SPARCL1: variants seen among roughly 807,000 people sequenced by gnomAD.
The protein encoded by SPARCL1 is SPARC like 1, also known as SPARC-like protein 1.
A neutral mutation model predicts 67.1 loss-of-function variants in SPARCL1; 52 were observed. The ratio of observed to expected loss-of-function variants is 0.78; its 90% confidence interval spans 0.62 to 0.98. SPARCL1 has a LOEUF of 0.98. SPARCL1 is among the 50% of genes least tolerant of loss of function. The probability of loss-of-function intolerance (pLI) is 0.00; values close to 1 mark genes in which losing one functional copy is unlikely to be tolerated. For missense variants in SPARCL1, 717 were observed against 782.4 expected (o/e 0.92, Z 1.00); for synonymous variants, 226 against 267.8 (o/e 0.84, Z 1.52).
In SPARCL1 at chr4:87,529,285, A is replaced by T. The variant is rs959846921; in HGVS notation, c.-252T>A. On this transcript the variant is annotated 5_prime_UTR_variant, in exon 1 of 11. Transcript: ENST00000282470. ...ACGAGAATTTGGAGGTTGGCACCAG[A>T]GAGTATTTCAGACTGTCATCGTTTT... 5 of 152,176 alleles carry T rather than the reference A, an allele frequency of 3.3e-5. No individual in the cohort carries two copies. The highest frequency in any genetic ancestry group is 1.2e-4 in the African/African-American group (5 of 41,434). 9.4% of individuals were successfully genotyped at this position (152,176 alleles called of 1,614,324 possible). A position where few individuals can be genotyped will look rare whatever the true frequency, so the allele number is the denominator to read the frequency against.
At position 87,490,872 on chromosome 4, in the gene SPARCL1, C is replaced by A; in HGVS notation, c.1298G>T (p.Cys433Phe). ...GNMRVHAVDSCMSFQCKRGHI... is the reference protein window; with the variant it reads ...GNMRVHAVDSFMSFQCKRGHI... Reference sequence around the variant, plus strand: ...GCCTCTTTTACACTGGAAGCTCATGCAAGAATCTAACAGAAAAGATTGGGC... The same window carrying A: ...GCCTCTTTTACACTGGAAGCTCATGAAAGAATCTAACAGAAAAGATTGGGC... Residue 433 changes from cysteine (C) to phenylalanine (F), a missense_variant, in exon 6 of 11, where the codon TGC becomes TTC. Cys to Phe is a radical substitution (Grantham distance 205). Coordinates refer to ENST00000282470, the MANE Select transcript of SPARCL1 (RefSeq NM_004684.6). 6.3e-7 allele frequency: 1 copy of A among 1,576,112 alleles called. No homozygotes were observed. Among genetic ancestry groups the A allele is most frequent in the Non-Finnish European group, 8.7e-7 (1 of 1,155,462 alleles).
At chr4:87,490,428 G>A (rs914175193) in intron 6 of SPARCL1, 35 bp from the exon 7 acceptor site, 1 of 1,585,514 alleles carries the variant, frequency 6.3e-7, no homozygotes, top group African/African-American at 1.4e-5. Flanking sequence ...AGCTGATAGA[G>A]CCAAATGCTC....
Position 87,495,122 on chromosome 4 carries a change from A to G in SPARCL1, c.60T>C (p.Asn20=), listed in dbSNP as rs1445027415. The part of the protein sequence containing the change: ...LLGTAAAIPT[N]ARLLSDHSKP... ...TGGAATGATCAGATAATAATCTTGCATTTGTCTGAAAAAATTAAAAACTGG... is the reference window on the plus strand; with the variant it reads ...TGGAATGATCAGATAATAATCTTGCGTTTGTCTGAAAAAATTAAAAACTGG... Residue 20 remains asparagine, a synonymous_variant, in exon 3 of 11, where the codon AAT becomes AAC. Coordinates refer to ENST00000282470, the MANE Select transcript of SPARCL1 (RefSeq NM_004684.6). The G allele has an allele frequency of 6.3e-7, 1 of 1,597,558 alleles. No individual in the cohort carries two copies. Among genetic ancestry groups the G allele is most frequent in the South Asian group, 1.2e-5 (1 of 86,288 alleles).
chr4:87,505,724 G>GGTTTTTTTTTTTTTT (rs55992030), intron 1 of SPARCL1, among the ~76,000 whole-genome samples: 1 of 141,112 alleles, frequency 7.1e-6, no homozygotes. Flanking sequence ...TCAGCTAATT[G>GGTTTTTTTTTTTTTT]TTTTTTTTTT....
intron 1 of SPARCL1, among the ~76,000 whole-genome samples, chr4:87,501,002 T>G (rs1724821415): frequency 6.6e-6 from 1 of 152,262 alleles, no homozygotes; most frequent in Non-Finnish European, 1.5e-5. Context: ...AAAAATTGCC[T>G]TCCTTTTAAA....
chr4:87,501,608 T>C (rs1489460956), intron 1 of SPARCL1, among the ~76,000 whole-genome samples: 1 of 152,142 alleles, frequency 6.6e-6, no homozygotes, highest in African/African-American at 2.4e-5. Flanking sequence ...AATGTTTTTA[T>C]GAACATAGTA....
At chr4:87,505,128 A>G (rs189584897) in intron 1 of SPARCL1, among the ~76,000 whole-genome samples, 2 of 152,310 alleles carry the variant, frequency 1.3e-5, no homozygotes, top group Admixed American at 6.5e-5. Context: ...TGGGAAAGTC[A>G]CTTGCCCTTT....
chr4:87,511,511 T>G (rs1188902879), intron 1 of SPARCL1, among the ~76,000 whole-genome samples: 1 of 152,150 alleles, frequency 6.6e-6, no homozygotes, highest in Admixed American at 6.5e-5. Context: ...TGCTGTAGCA[T>G]GAGCAGTTAT....
At position 87,493,988 on chromosome 4, in the gene SPARCL1, T is replaced by A. The variant is rs1432649463; in HGVS notation, c.812A>T (p.Asn271Ile). 2.5e-6 allele frequency: 4 copies of A among 1,614,176 alleles called. No homozygotes were observed. In the Middle Eastern group the frequency reaches 5.0e-4, roughly 200 times the overall value. Reference protein sequence around the residue: ...FDQGNQEQEDNSNAEMEEENA... With the variant: ...FDQGNQEQEDISNAEMEEENA... ...TTCCTCTTCCATTTCTGCATTGGAG[T>A]TATCTTCTTGTTCTTGGTTACCCTG... is the stretch of plus-strand genomic sequence containing the variant. The change falls in exon 4 of 11, where the codon AAC becomes ATC. Residue 271 changes from asparagine (N) to isoleucine (I), a missense_variant. By Grantham distance (149) the Asn-to-Ile change is moderately radical. Transcript: ENST00000282470.
At chr4:87,523,112 T>A (rs1725892285) in intron 1 of SPARCL1, among the ~76,000 whole-genome samples, 1 of 151,982 alleles carries the variant, frequency 6.6e-6, no homozygotes, top group African/African-American at 2.4e-5. Context: ...GTACAAAAAA[T>A]TAGCCAGGCG....
At chr4:87,475,540 G>T (rs1723551458) in intron 10 of SPARCL1, among the ~76,000 whole-genome samples, 1 of 152,148 alleles carries the variant, frequency 6.6e-6, no homozygotes, top group South Asian at 2.1e-4. Context: ...CCCTTCCCTG[G>T]TGTCAATTAT....
At chr4:87,507,449 T>A (rs1725128683) in intron 1 of SPARCL1, among the ~76,000 whole-genome samples, 1 of 120,102 alleles carries the variant, frequency 8.3e-6, no homozygotes, top group Non-Finnish European at 1.7e-5. Flanking sequence ...CTTGCATCAC[T>A]AATCCATTTT....
At chr4:87,514,299 C>T (rs1017948958) in intron 1 of SPARCL1, among the ~76,000 whole-genome samples, 2 of 152,142 alleles carry the variant, frequency 1.3e-5, no homozygotes, top group African/African-American at 4.8e-5. Context: ...AGAATCCTGG[C>T]GTAGCTGTAT....
Position 87,490,403 on chromosome 4 carries a change from A to G in SPARCL1, c.1411-10T>C, listed in dbSNP as rs1387966571. The G allele has an allele frequency of 1.3e-6, 2 of 1,596,848 alleles. No individual in the cohort carries two copies. Among genetic ancestry groups the G allele is most frequent in the Admixed American group, 3.6e-5 (2 of 54,988 alleles). ...TGTCAGTGCCACAAACCTATGGAAG[A>G]TAAGTAGAAGAAAAAGCTGATAGAG... On this transcript the variant is annotated splice_polypyrimidine_tract_variant and intron_variant, in intron 6 of 10. Coordinates refer to ENST00000282470, the MANE Select transcript of SPARCL1 (RefSeq NM_004684.6).
At chr4:87,522,477 T>C (rs1725857909) in intron 1 of SPARCL1, among the ~76,000 whole-genome samples, 1 of 151,894 alleles carries the variant, frequency 6.6e-6, no homozygotes, top group African/African-American at 2.4e-5. Context: ...GGGAGTATTA[T>C]GGAGATTTAC....
chr4:87,490,926 A>G (rs769873953), intron 5 of SPARCL1, 48 bp from the exon 6 acceptor site: 1 of 1,101,596 alleles, frequency 9.1e-7, no homozygotes, highest in Non-Finnish European at 1.3e-6. Context: ...TAAATTGAGT[A>G]TGTAAATACA....
chr4:87,507,190 A>G (rs1033085956), intron 1 of SPARCL1, among the ~76,000 whole-genome samples: 1 of 152,214 alleles, frequency 6.6e-6, no homozygotes, highest in East Asian at 1.9e-4. Context: ...AGGCACATGG[A>G]ATGCTACCCT....
At chr4:87,509,782 T>A (rs753351197) in intron 1 of SPARCL1, among the ~76,000 whole-genome samples, 1 of 152,252 alleles carries the variant, frequency 6.6e-6, no homozygotes, top group African/African-American at 2.4e-5. Context: ...AGTGTCTGTG[T>A]GTGCACGCAT....
intron 1 of SPARCL1, among the ~76,000 whole-genome samples, chr4:87,519,410 A>C (rs190277557): frequency 2.5e-3 from 380 of 152,272 alleles, no homozygotes; most frequent in African/African-American, 8.5e-3. Flanking sequence ...TAGATAACTC[A>C]AGTTGAATCA....
Sources: gnomAD v4.1 joint callset for allele counts (sites outside exome capture counted in the v4.1 genomes callset) on GRCh38, gnomAD v4.1.1 for gene constraint, MANE v1.5 for transcripts, NCBI Gene and HGNC (gene_info 2026-07-23, HGNC 2026-07-21) for gene names.